The following SLC15A1 variants were observed in gnomAD, a reference collection of about 807,000 sequenced individuals.
SLC15A1 encodes the protein Caco-2 oligopeptide transporter.
In SLC15A1, 83 loss-of-function variants were observed where a neutral mutation model predicts 92.9. That is an observed-to-expected ratio of 0.89 (90% CI 0.75 to 1.07). The LOEUF is 1.07. Ranked by LOEUF, SLC15A1 falls within the 50% of genes least tolerant of loss-of-function variation. The probability of loss-of-function intolerance (pLI) is 0.00; values close to 1 mark genes in which losing one functional copy is unlikely to be tolerated. For missense variants in SLC15A1, 857 were observed against 880.1 expected, an observed-to-expected ratio of 0.97 and a Z score of 0.33; for synonymous variants, 322 against 318.2, an observed-to-expected ratio of 1.01 and a Z score of -0.13.
chr13:98,692,136 CTTTTTTTTTTTTTTTTT>C (rs528865683), intron 18 of SLC15A1, among the ~76,000 whole-genome samples: 10,991 of 68,046 alleles, frequency 0.16, 1,625 homozygotes, highest in African/African-American at 0.38. Flanking sequence ...TTCTCCTAAA[CTTTTTTTTTTTTTTTTT>C]TTTTTTTTTT....
intron 10 of SLC15A1, 76 bp downstream of exon 10, chr13:98,712,422 C>A (rs2139583203): frequency 8.5e-7 from 1 of 1,175,368 alleles, no homozygotes; most frequent in East Asian, 2.4e-5. Context: ...TCCATGTAAC[C>A]TTAATCTGAA....
At position 98,686,275 on chromosome 13, in the gene SLC15A1, A is replaced by C; in HGVS notation, c.1850T>G (p.Val617Gly). Reference sequence around the variant, plus strand: ...GGTCAGCAGCCATCCTGCCTGAAGCACCGACTTCATGTTGGAAGGAGCCTG... The same window carrying C: ...GGTCAGCAGCCATCCTGCCTGAAGCCCCGACTTCATGTTGGAAGGAGCCTG... The part of the protein sequence containing the change: ...YSQAPSNMKS[V>G]LQAGWLLTVA... The change falls in exon 22 of 23, where the codon GTG becomes GGG. Residue 617 changes from valine to glycine, a missense_variant. Val to Gly is a moderately radical substitution (Grantham distance 109). Transcript: ENST00000376503. 6.2e-7 allele frequency: 1 copy of C among 1,612,408 alleles called. No homozygotes were observed. Among genetic ancestry groups the C allele is most frequent in the Non-Finnish European group, 8.5e-7 (1 of 1,179,298 alleles).
chr13:98,717,472 C>T (rs1441858479), intron 8 of SLC15A1, among the ~76,000 whole-genome samples: 6 of 152,144 alleles, frequency 3.9e-5, no homozygotes, highest in South Asian at 2.1e-4. Context: ...AAAGCATAAT[C>T]GTTGATAGAG....
At chr13:98,699,859 A>T (rs564731215) in intron 18 of SLC15A1, among the ~76,000 whole-genome samples, 114 of 152,322 alleles carry the variant, frequency 7.5e-4, no homozygotes, top group Non-Finnish European at 1.3e-3. Context: ...TATTTCCCTT[A>T]ATAAGACCAA....
intron 9 of SLC15A1, 50 bp downstream of exon 9, chr13:98,715,828 G>T: frequency 1.4e-6 from 2 of 1,406,948 alleles, no homozygotes; most frequent in Non-Finnish European, 2.0e-6. Flanking sequence ...GAAAGTAGAA[G>T]GTTCTGAGGT....
In SLC15A1 at chr13:98,684,564, A is replaced by AAAAAG; in HGVS notation, c.*155_*159dup. Reference sequence around the variant, plus strand: ...CTGTCTCAAAAAAAAAAAAAAAAAAAAAAAGAAAAGAAAAAGAAAAAAGAA... The same window carrying AAAAAG: ...CTGTCTCAAAAAAAAAAAAAAAAAAAAAAAGAAAAGAAAAGAAAAAGAAAAAAGAA... On this transcript the variant is annotated 3_prime_UTR_variant, in exon 23 of 23. Coordinates refer to ENST00000376503, the MANE Select transcript of SLC15A1 (RefSeq NM_005073.4). 1 of 460,902 alleles carries AAAAAG rather than the reference A, an allele frequency of 2.2e-6. No homozygotes were observed. Among genetic ancestry groups the AAAAAG allele is most frequent in the Non-Finnish European group, 3.8e-6 (1 of 264,924 alleles). 28.6% of individuals were successfully genotyped at this position (460,902 alleles called of 1,614,324 possible).
In SLC15A1 at chr13:98,726,847, G is replaced by A. The variant is rs1262394394; in HGVS notation, c.17C>T (p.Ser6Leu). The A allele has an allele frequency of 6.2e-7, 1 of 1,613,340 alleles. No individual in the cohort carries two copies. The highest frequency in any genetic ancestry group is 1.7e-5 in the Admixed American group (1 of 60,034). Reference protein sequence around the residue: MGMSKSHSFFGYPLSI... With the variant: MGMSKLHSFFGYPLSI... ...AGAAGGAAAAAGGGTACTCACGTGT[G>A]ATTTGGACATTCCTAAAAGAAAAAC... is the stretch of plus-strand genomic sequence containing the variant. Residue 6 changes from serine (S) to leucine (L), a missense_variant, in exon 2 of 23, where the codon TCA becomes TTA. Coordinates refer to ENST00000376503, the MANE Select transcript of SLC15A1 (RefSeq NM_005073.4).
At chr13:98,751,817 ATCT>A (rs894152113) in intron 1 of SLC15A1, among the ~76,000 whole-genome samples, 2 of 152,184 alleles carry the variant, frequency 1.3e-5, no homozygotes, top group Non-Finnish European at 2.9e-5. Flanking sequence ...ACGTGGCCAC[ATCT>A]TCTGCAAAAT....
chr13:98,692,136 CT>C (rs528865683), intron 18 of SLC15A1, among the ~76,000 whole-genome samples: 75 of 67,558 alleles, frequency 1.1e-3, no homozygotes, highest in African/African-American at 2.8e-3. Context: ...TTCTCCTAAA[CT>C]TTTTTTTTTT....
rs781175242 is a variant in SLC15A1, at chr13:98,688,297, G to C, written c.1634C>G (p.Thr545Ser). 4.8e-5 allele frequency: 78 copies of C among 1,614,046 alleles called. No individual in the cohort carries two copies. Among genetic ancestry groups the C allele is most frequent in the Non-Finnish European group, 6.6e-5 (78 of 1,179,976 alleles). ...AGCACTACCAAATTCAAGGTAGAAA[G>C]TATTGAAATTAGGTTGACATTGTGG... ...IPPQCQPNFN[T>S]FYLEFGSAYT... Residue 545 changes from threonine (T) to serine (S), a missense_variant, in exon 20 of 23, where the codon ACT (threonine) becomes AGT (serine). Coordinates refer to ENST00000376503, the MANE Select transcript of SLC15A1 (RefSeq NM_005073.4).
At position 98,688,293 on chromosome 13, in the gene SLC15A1, G is replaced by GTGCTTATACCTAT; in HGVS notation, c.1637_1638insATAGGTATAAGCA (p.Phe546LeufsTer2). Reference sequence around the variant, plus strand: ...TATAAGCACTACCAAATTCAAGGTAGAAAGTATTGAAATTAGGTTGACATT... The same window carrying GTGCTTATACCTAT: ...TATAAGCACTACCAAATTCAAGGTAGTGCTTATACCTATAAAGTATTGAAATTAGGTTGACATT... On this transcript the variant is annotated stop_gained and frameshift_variant, in exon 20 of 23. Transcript: ENST00000376503. LOFTEE classifies it high-confidence loss of function. 1 of 1,614,038 alleles carries GTGCTTATACCTAT rather than the reference G, an allele frequency of 6.2e-7. No individual in the cohort carries two copies. The highest frequency in any genetic ancestry group is 1.1e-5 in the South Asian group (1 of 91,064).
At chr13:98,711,825 A>G (rs775523454) in intron 11 of SLC15A1, 29 bp downstream of exon 11, 4 of 1,544,358 alleles carry the variant, frequency 2.6e-6, no homozygotes, top group Middle Eastern at 1.7e-4. Flanking sequence ...TGCTCCGTGA[A>G]GAAGAGCACA....
At chr13:98,692,476 AAG>A (rs1251971542) in intron 18 of SLC15A1, among the ~76,000 whole-genome samples, 1 of 152,008 alleles carries the variant, frequency 6.6e-6, no homozygotes, top group Non-Finnish European at 1.5e-5. Flanking sequence ...ACTTTCTTAT[AAG>A]AGTCTTCCAA....
chr13:98,687,793 A>C (rs2087942330), intron 20 of SLC15A1, 69 bp from the exon 21 acceptor site: 1 of 1,566,900 alleles, frequency 6.4e-7, no homozygotes, highest in Middle Eastern at 1.9e-4. Flanking sequence ...CGAACAGGTA[A>C]ATTGAGTTTG....
At chr13:98,712,025 A>T in intron 10 of SLC15A1, 82 bp from the exon 11 acceptor site, 1 of 1,008,760 alleles carries the variant, frequency 9.9e-7, no homozygotes, top group Non-Finnish European at 1.6e-6. Flanking sequence ...TGCTGATTTC[A>T]GTGGAGACAC....
At chr13:98,721,227 C>A (rs1264714672) in intron 7 of SLC15A1, 1 of 604,464 alleles carries the variant, frequency 1.7e-6, no homozygotes, top group East Asian at 3.8e-5. Context: ...CATGACTTTG[C>A]ATGAATAACA....
intron 1 of SLC15A1, among the ~76,000 whole-genome samples, chr13:98,731,538 C>T (rs1441846379): frequency 6.6e-6 from 1 of 152,066 alleles, no homozygotes; most frequent in Non-Finnish European, 1.5e-5. Flanking sequence ...TGGCCCTCTT[C>T]AGGGAAGCAG....
At chr13:98,736,476 C>T (rs2088395047) in intron 1 of SLC15A1, among the ~76,000 whole-genome samples, 1 of 152,056 alleles carries the variant, frequency 6.6e-6, no homozygotes, top group African/African-American at 2.4e-5. Context: ...ACAAAAAAAG[C>T]CAAAATAGAC....
At chr13:98,691,227 T>A (rs1264040767) in intron 18 of SLC15A1, among the ~76,000 whole-genome samples, 1 of 152,108 alleles carries the variant, frequency 6.6e-6, no homozygotes, top group Non-Finnish European at 1.5e-5. Flanking sequence ...GTATTTTTAG[T>A]AGAGAGGGGA....
Sources: allele counts gnomAD v4.1 joint callset (sites outside exome capture counted in the v4.1 genomes callset), GRCh38; gene constraint gnomAD v4.1.1; transcripts MANE v1.5; gene names NCBI Gene and HGNC (gene_info 2026-07-23, HGNC 2026-07-21).